The following HIPK2 variants were observed in gnomAD, a reference collection of about 807,000 sequenced individuals.
The protein encoded by HIPK2 is homeodomain interacting protein kinase 2.
HIPK2 carries 27 observed loss-of-function variants against 113.7 expected under a neutral mutation model. The ratio of observed to expected loss-of-function variants is 0.24; its 90% CI spans 0.17 to 0.33. The LOEUF (loss-of-function observed/expected upper bound fraction) is 0.33. Ranked by LOEUF, HIPK2 falls within the 10% of genes least tolerant of loss-of-function variation. HIPK2 has a pLI of 1.00. For missense variants in HIPK2, 1,257 were observed against 1,588.0 expected, an observed-to-expected ratio of 0.79 and a Z score of 3.54; for synonymous variants, 631 against 642.2, an observed-to-expected ratio of 0.98 and a Z score of 0.26.
chr7:139,707,591 C>T (rs185307234), intron 2 of HIPK2, among the ~76,000 whole-genome samples: 31 of 152,338 alleles, frequency 2.0e-4, no homozygotes, highest in Non-Finnish European at 3.5e-4. Context: ...TGGGCCAGGA[C>T]AGTGGGGGCT....
intron 1 of HIPK2, among the ~76,000 whole-genome samples, chr7:139,748,253 C>A (rs553282665): frequency 1.3e-5 from 2 of 152,136 alleles, no homozygotes; most frequent in Non-Finnish European, 2.9e-5. Flanking sequence ...CAGACTCCCA[C>A]GCTCCGATGG....
intron 9 of HIPK2, among the ~76,000 whole-genome samples, chr7:139,608,157 T>C (rs963313104): frequency 1.3e-5 from 2 of 151,670 alleles, no homozygotes; most frequent in Non-Finnish European, 2.9e-5. Flanking sequence ...GGCACGAGAA[T>C]TGCTTGAACC....
At chr7:139,705,204 A>G (rs1794854423) in intron 2 of HIPK2, among the ~76,000 whole-genome samples, 1 of 152,242 alleles carries the variant, frequency 6.6e-6, no homozygotes, top group Non-Finnish European at 1.5e-5. Context: ...ATGCTGTCAC[A>G]GAAGCATGGA....
In HIPK2 at chr7:139,631,531, G is replaced by A; in HGVS notation, c.1227+71C>T. The A allele has an allele frequency of 6.3e-7, 1 of 1,577,852 alleles. No individual in the cohort carries two copies. Among genetic ancestry groups the A allele is most frequent in the South Asian group, 1.2e-5 (1 of 85,010 alleles). ...CCCGCCCATTTGTCATGTAATCAATGAAATGCTAATCCAGGCTATTTTCCA... is the reference window on the plus strand; with the variant it reads ...CCCGCCCATTTGTCATGTAATCAATAAAATGCTAATCCAGGCTATTTTCCA... On this transcript the variant is annotated intron_variant, in intron 3 of 14. Transcript: ENST00000406875. This position sits in a 1 kb window ranked among gnomAD's most constrained non-coding sequence, Gnocchi z 4.9.
At chr7:139,761,379 G>A (rs1796461709) in intron 1 of HIPK2, among the ~76,000 whole-genome samples, 1 of 152,246 alleles carries the variant, frequency 6.6e-6, no homozygotes, top group Admixed American at 6.5e-5. Context: ...CTGGACGATG[G>A]TGGGTTCAGG....
At chr7:139,746,206 C>T (rs886497936) in intron 1 of HIPK2, among the ~76,000 whole-genome samples, 1 of 152,192 alleles carries the variant, frequency 6.6e-6, no homozygotes. Flanking sequence ...GGAACTTGTT[C>T]CAGTCAGCCC....
At position 139,563,400 on chromosome 7, in the gene HIPK2, G is replaced by C. The variant is rs923217375; in HGVS notation, c.*9527C>G. On this transcript the variant is annotated 3_prime_UTR_variant, in exon 15 of 15. Coordinates refer to ENST00000406875, the MANE Select transcript of HIPK2 (RefSeq NM_022740.5). ...TGGCCCAGGGCAGTGGTGACAGCAG[G>C]GTGGAGGCAGAGGTGGCCCCGGGGA... is the stretch of plus-strand genomic sequence containing the variant. The C allele has an allele frequency of 6.5e-6, 1 of 153,532 alleles. No individual in the cohort carries two copies. The highest frequency in any genetic ancestry group is 2.4e-5 in the African/African-American group (1 of 41,466). The allele number at this position is 153,532 out of a possible 1,614,324, so 9.5% of individuals were successfully genotyped here. A position where few individuals can be genotyped will look rare whatever the true frequency, so the allele number is the denominator to read the frequency against.
At chr7:139,697,798 T>G (rs1314023782) in intron 2 of HIPK2, among the ~76,000 whole-genome samples, 1 of 152,066 alleles carries the variant, frequency 6.6e-6, no homozygotes, top group East Asian at 1.9e-4. Context: ...AAATCCCTTA[T>G]CTATTAAGAA....
intron 1 of HIPK2, among the ~76,000 whole-genome samples, chr7:139,728,336 T>A (rs1270979765): frequency 1.3e-5 from 2 of 152,212 alleles, no homozygotes; most frequent in Non-Finnish European, 2.9e-5. Flanking sequence ...CACCACTGAC[T>A]GGGCAGCCTA....
chr7:139,598,529 C>T (rs1395140893), intron 11 of HIPK2, among the ~76,000 whole-genome samples: 2 of 152,186 alleles, frequency 1.3e-5, no homozygotes, highest in African/African-American at 4.8e-5. Context: ...GAAAAGTATG[C>T]CTGGCCACAT....
intron 2 of HIPK2, among the ~76,000 whole-genome samples, chr7:139,677,614 T>C (rs1802548394): frequency 6.6e-6 from 1 of 152,332 alleles, no homozygotes; most frequent in Middle Eastern, 3.4e-3. Flanking sequence ...CTGGGATACA[T>C]GTGCAGAACG....
chr7:139,642,468 T>C (rs559448268), intron 2 of HIPK2, among the ~76,000 whole-genome samples: 12 of 152,274 alleles, frequency 7.9e-5, no homozygotes, highest in Admixed American at 2.0e-4. Context: ...TCGGGGCAGC[T>C]GCATGGAGAG....
At chr7:139,737,249 T>A (rs1162437244) in intron 1 of HIPK2, among the ~76,000 whole-genome samples, 1 of 152,180 alleles carries the variant, frequency 6.6e-6, no homozygotes, top group East Asian at 1.9e-4. Flanking sequence ...CGTATGAGGA[T>A]ACATTCTAAG....
intron 1 of HIPK2, among the ~76,000 whole-genome samples, chr7:139,767,876 A>G (rs979795857): frequency 6.6e-6 from 1 of 152,218 alleles, no homozygotes; most frequent in Non-Finnish European, 1.5e-5. Flanking sequence ...CCTGAACCTC[A>G]TTGGGTCAAG....
chr7:139,760,070 T>G (rs1202372366), intron 1 of HIPK2, among the ~76,000 whole-genome samples: 2 of 151,890 alleles, frequency 1.3e-5, no homozygotes, highest in East Asian at 3.9e-4. Context: ...TGGCGTGATC[T>G]TGACTCACTG....
At chr7:139,579,408 G>GAGA (rs1367051338) in intron 13 of HIPK2, among the ~76,000 whole-genome samples, 10 of 152,166 alleles carry the variant, frequency 6.6e-5, no homozygotes, top group Admixed American at 5.9e-4. Flanking sequence ...TGTAAAAGGA[G>GAGA]AGAATCTGGT....
At chr7:139,717,163 TC>T in intron 1 of HIPK2, 148 bp from the exon 2 acceptor site, 1 of 1,099,590 alleles carries the variant, frequency 9.1e-7, no homozygotes. Context: ...GTGAATCTCT[TC>T]CACCCAGAAG....
chr7:139,762,906 AAAG>A (rs2117148453), intron 1 of HIPK2, among the ~76,000 whole-genome samples: 1 of 152,328 alleles, frequency 6.6e-6, no homozygotes, highest in East Asian at 1.9e-4. Context: ...TCATGAAGGA[AAAG>A]AAGAGGGTGC....
rs117830088 is a variant in HIPK2 at position 139,734,764 on chromosome 7, T to C, written c.20-17749A>G. ...TCATTAATGGCCAAATACACACTAC[T>C]GTGGACTCCTAACTTGTATGGTGTT... On this transcript the variant is annotated intron_variant, in intron 1 of 14. Transcript: ENST00000406875. Among the ~76,000 whole-genome samples the C allele has an allele frequency of 4.4e-3, 673 of 152,342 alleles. 2 individuals are homozygous for C. Among genetic ancestry groups the C allele is most frequent in the Non-Finnish European group, 7.3e-3 (497 of 68,036 alleles).
Sources: gnomAD v4.1 joint callset for allele counts (sites outside exome capture counted in the v4.1 genomes callset) on GRCh38, gnomAD v4.1.1 for gene constraint, Gnocchi (gnomAD v3.1) non-coding constraint, MANE v1.5 for transcripts, NCBI Gene and HGNC (gene_info 2026-07-23, HGNC 2026-07-21) for gene names.